The following CECR2 variants were observed in gnomAD, a reference collection of about 807,000 sequenced individuals.
The protein encoded by CECR2 is CECR2 histone acetyl-lysine reader, also known as chromatin remodeling regulator CECR2.
Under a neutral mutation model 154.5 loss-of-function variants are expected in CECR2, and 30 were observed. The ratio of observed to expected loss-of-function variants is 0.19; its 90% CI spans 0.15 to 0.26. The LOEUF (loss-of-function observed/expected upper bound fraction) is 0.26. Among genes scored for constraint, CECR2 ranks in the 10% least tolerant of loss-of-function variants. The pLI is 1.00. For missense variants in CECR2, 1,743 were observed against 1,829.3 expected, an observed-to-expected ratio of 0.95 and a Z score of 0.86; for synonymous variants, 725 against 683.7, an observed-to-expected ratio of 1.06 and a Z score of -0.94.
intron 1 of CECR2, among the ~76,000 whole-genome samples, chr22:17,432,167 T>C (rs1303752443): frequency 7.0e-6 from 1 of 143,084 alleles, no homozygotes; most frequent in Non-Finnish European, 1.6e-5. Context: ...AGCCCCACTT[T>C]GTGCCTGTAT....
chr22:17,433,226 C>G (rs1238398957), intron 1 of CECR2, among the ~76,000 whole-genome samples: 1 of 152,158 alleles, frequency 6.6e-6, no homozygotes, highest in African/African-American at 2.4e-5. Flanking sequence ...TTTAGAAACA[C>G]TTTTCACATG....
rs377610344 is a variant in CECR2 at position 17,537,141 on chromosome 22, T to C, written c.1147T>C (p.Trp383Arg). 1 of 1,613,830 alleles carries C rather than the reference T, an allele frequency of 6.2e-7. No individual in the cohort carries two copies. Among genetic ancestry groups the C allele is most frequent in the African/African-American group, 1.3e-5 (1 of 74,902 alleles). ...KRRKLREERA[W>R]LLAQGKELPP... is the part of the protein sequence containing the mutation. The stretch of plus-strand genomic sequence containing the variant: ...GAGAAAGCTCAGGGAAGAAAGGGCA[T>C]GGCTGCTGGCTCAAGGAAAGGAGCT... The change falls in exon 10 of 19, where the codon TGG becomes CGG. Residue 383 changes from tryptophan (W) to arginine (R), a missense_variant. Physicochemically the swap from Trp to Arg is moderately radical, Grantham distance 101. Coordinates refer to ENST00000262608, the MANE Select transcript of CECR2 (RefSeq NM_001290047.2).
intron 1 of CECR2, among the ~76,000 whole-genome samples, chr22:17,375,175 G>A (rs1329612285): frequency 6.6e-6 from 1 of 152,168 alleles, no homozygotes; most frequent in Non-Finnish European, 1.5e-5. Flanking sequence ...GTGCAGTGGT[G>A]TGATCTCGGC....
intron 1 of CECR2, among the ~76,000 whole-genome samples, chr22:17,458,244 A>G (rs904068730): frequency 6.6e-6 from 1 of 152,046 alleles, no homozygotes; most frequent in African/African-American, 2.4e-5. Flanking sequence ...GTGAAACCCC[A>G]TCTCTACTAA....
chr22:17,553,079 C>G lies in CECR2; in HGVS notation c.*239C>G. 1 of 866,320 alleles carries G rather than the reference C, an allele frequency of 1.2e-6. No homozygotes were observed. Among genetic ancestry groups the G allele is most frequent in the Non-Finnish European group, 1.5e-6 (1 of 645,406 alleles). The allele number at this position is 866,320 out of a possible 1,614,324, so 53.7% of individuals were successfully genotyped here. ...GGATCTCTTGCACAGCTGATGTAGA[C>G]AGTCAGGCAAAACTAATGAACGTGG... On this transcript the variant is annotated 3_prime_UTR_variant, in exon 19 of 19. Transcript: ENST00000262608.
chr22:17,387,395 C>T (rs2063275843), intron 1 of CECR2, among the ~76,000 whole-genome samples: 3 of 152,098 alleles, frequency 2.0e-5, no homozygotes, highest in South Asian at 2.1e-4. Context: ...CAAGGATTAT[C>T]GAGTTAGCGT....
chr22:17,377,455 A>G (rs2063131449), intron 1 of CECR2, among the ~76,000 whole-genome samples: 1 of 150,862 alleles, frequency 6.6e-6, no homozygotes, highest in African/African-American at 2.4e-5. Flanking sequence ...TAAAGACAGT[A>G]TCTCACTATG....
intron 1 of CECR2, among the ~76,000 whole-genome samples, chr22:17,375,693 C>T (rs62241127): frequency 0.048 from 7,342 of 152,022 alleles, 272 homozygotes; most frequent in Non-Finnish European, 0.071. Context: ...TGGTGGCTCA[C>T]GCCTGTAATC....
At chr22:17,368,253 A>C (rs1487268800), upstream of CECR2, among the ~76,000 whole-genome samples, 1 of 152,186 alleles carries the variant, frequency 6.6e-6, no homozygotes, top group Non-Finnish European at 1.5e-5. Context: ...CAGATTGTAC[A>C]CTACTTAAAG....
At chr22:17,421,387 G>A (rs1012582581) in intron 1 of CECR2, among the ~76,000 whole-genome samples, 4 of 151,940 alleles carry the variant, frequency 2.6e-5, no homozygotes, top group East Asian at 1.9e-4. Context: ...AGGCCGAGGC[G>A]GGCGGATCAC....
intron 1 of CECR2, among the ~76,000 whole-genome samples, chr22:17,363,841 C>A (rs1458978961): frequency 2.0e-5 from 3 of 152,104 alleles, no homozygotes; most frequent in African/African-American, 7.2e-5. Context: ...TGCCATGTTG[C>A]TCAGACTGGT....
rs1279784247 is a variant in CECR2, at chr22:17,549,232, C to G, written c.3945C>G (p.Ser1315Arg). The G allele has an allele frequency of 1.9e-6, 3 of 1,614,040 alleles. No individual in the cohort carries two copies. The highest frequency in any genetic ancestry group is 2.5e-6 in the Non-Finnish European group (3 of 1,179,906). The change falls in exon 17 of 19, where the codon AGC becomes AGG. Residue 1315 changes from serine (S) to arginine (R), a missense_variant. Physicochemically the swap from Ser to Arg is moderately radical, Grantham distance 110. This residue lies in a region of CECR2 where 1,250 missense variants were observed against 1,192.1 expected (regional missense o/e 1.05). Transcript: ENST00000262608. The part of the protein sequence containing the change: ...ATKRQSSLSA[S>R]EYLYGTPPPL... ...AGCGGCAGAGCTCGTTGTCAGCCAG[C>G]GAGTATCTCTATGGAACTCCTCCGC...
intron 6 of CECR2, among the ~76,000 whole-genome samples, chr22:17,504,046 C>CTAAA (rs150862438): frequency 0.048 from 6,584 of 136,558 alleles, 234 homozygotes; most frequent in South Asian, 0.13. Context: ...GACTCTGCCT[C>CTAAA]TAAATAAATA....
At chr22:17,425,124 G>A (rs974370696) in intron 1 of CECR2, among the ~76,000 whole-genome samples, 1 of 151,924 alleles carries the variant, frequency 6.6e-6, no homozygotes, top group African/African-American at 2.4e-5. Flanking sequence ...CACTACTTTT[G>A]GTTTGTTATT....
In CECR2 at chr22:17,417,398, T is replaced by C. The variant is rs1246769567; in HGVS notation, c.126+47489T>C. ...GATGAAAAGTAAAATTGTGGCTCTCTGGAATTTACTTGGAAGCAGATCTTC... is the reference window on the plus strand; with the variant it reads ...GATGAAAAGTAAAATTGTGGCTCTCCGGAATTTACTTGGAAGCAGATCTTC... On this transcript the variant is annotated intron_variant, in intron 1 of 18. Coordinates refer to ENST00000262608, the MANE Select transcript of CECR2 (RefSeq NM_001290047.2). 3.9e-5 allele frequency among the ~76,000 whole-genome samples: 6 copies of C among 152,238 alleles called. No individual in the cohort carries two copies. The East Asian group carries it at 1.2e-3, about 29-fold the overall frequency.
At chr22:17,362,901 CAAAAAAAAAAA>C (rs372498587) in intron 1 of CECR2, among the ~76,000 whole-genome samples, 3 of 82,166 alleles carry the variant, frequency 3.7e-5, no homozygotes, top group Non-Finnish European at 7.2e-5. Flanking sequence ...AACTCCGTCT[CAAAAAAAAAAA>C]AAAAAAAAAA....
chr22:17,481,972 C>T (rs985799644), intron 2 of CECR2, among the ~76,000 whole-genome samples: 14 of 151,280 alleles, frequency 9.3e-5, no homozygotes, highest in African/African-American at 2.2e-4. Context: ...AAAAAGTAGC[C>T]GGGCGTGGTG....
intron 1 of CECR2, among the ~76,000 whole-genome samples, chr22:17,407,773 CAG>C (rs1405084571): frequency 2.0e-5 from 3 of 152,102 alleles, no homozygotes; most frequent in Admixed American, 6.6e-5. Flanking sequence ...TGCCACAACT[CAG>C]GGGAAGAGGG....
intron 1 of CECR2, among the ~76,000 whole-genome samples, chr22:17,473,790 GAT>G (rs1248898767): frequency 1.3e-5 from 2 of 152,154 alleles, no homozygotes; most frequent in African/African-American, 4.8e-5. Flanking sequence ...TTGTCAAAGA[GAT>G]ATCCAAAACT....
Sources: gnomAD v4.1 joint callset for allele counts (sites outside exome capture counted in the v4.1 genomes callset) on GRCh38, gnomAD v4.1.1 for gene constraint, gnomAD v4.1.1 regional missense constraint, MANE v1.5 for transcripts, NCBI Gene and HGNC (gene_info 2026-07-23, HGNC 2026-07-21) for gene names.